The following CIB4 variants were observed in gnomAD, a reference collection of about 807,000 sequenced individuals.
The protein encoded by CIB4 is calcium and integrin-binding family member 4.
CIB4 carries 25 observed loss-of-function variants against 25.8 expected under a neutral mutation model. That is an observed-to-expected ratio of 0.97 (90% CI 0.71 to 1.35). The LOEUF (loss-of-function observed/expected upper bound fraction) is 1.35, where lower values mean the gene tolerates loss of function less well. Among genes scored for constraint, CIB4 ranks in the 40% most tolerant of loss-of-function variants. The probability of loss-of-function intolerance (pLI) is 0.00; values close to 1 mark genes in which losing one functional copy is unlikely to be tolerated. For synonymous variants in CIB4, 75 were observed against 81.4 expected, an observed-to-expected ratio of 0.92 and a Z score of 0.42; for missense variants, 235 against 228.2, an observed-to-expected ratio of 1.03 and a Z score of -0.19.
chr2:26,641,238 A>C, intron 1 of CIB4, 23 bp downstream of exon 1: 1 of 1,599,850 alleles, frequency 6.3e-7, no homozygotes, highest in Non-Finnish European at 8.6e-7. Context: ...CTCTGCCCAG[A>C]GTCCCTAGCC....
intron 3 of CIB4, among the ~76,000 whole-genome samples, chr2:26,601,234 ATATATATATATATATAT>A: frequency 1.1e-4 from 1 of 8,824 alleles, no homozygotes; most frequent in African/African-American, 2.0e-4. Context: ...AAAAAAAAAT[ATATATATATATATATAT>A]ATATATATAT....
At chr2:26,584,358 G>A (rs1174918853) in intron 4 of CIB4, among the ~76,000 whole-genome samples, 1 of 152,080 alleles carries the variant, frequency 6.6e-6, no homozygotes, top group Non-Finnish European at 1.5e-5. Flanking sequence ...GTGGCTGGGA[G>A]CCAGGCAGTG....
chr2:26,614,797 G>A (rs1201142444), intron 3 of CIB4, among the ~76,000 whole-genome samples: 1 of 152,232 alleles, frequency 6.6e-6, no homozygotes, highest in Admixed American at 6.5e-5. Flanking sequence ...GGCTCGCCAT[G>A]CCCAAGTTCA....
rs1668531530 is a variant in CIB4, at chr2:26,589,108, C to CCTCT, written c.329-5211_329-5210insAGAG. ...CTTCTTCTTCTTCTTCTTCTTCTTC[C>CCTCT]TCTTCTTCTTCTTCTTCTTCTTCTT... On this transcript the variant is annotated intron_variant, in intron 4 of 6. Transcript: ENST00000288861. Among the ~76,000 whole-genome samples, 7 of 67,776 alleles carry CCTCT rather than the reference C, an allele frequency of 1.0e-4. 1 individual carries two copies. The highest frequency in any genetic ancestry group is 4.8e-4 in the African/African-American group (7 of 14,716). 44.5% of individuals were successfully genotyped at this position (67,776 alleles called of 152,430 possible).
At position 26,614,467 on chromosome 2, in the gene CIB4, G is replaced by A. The variant is rs572930397; in HGVS notation, c.186+14943C>T. Among the ~76,000 whole-genome samples the A allele has an allele frequency of 2.6e-5, 4 of 152,300 alleles. No homozygotes were observed. The East Asian group carries it at 7.7e-4, about 29-fold the overall frequency. ...CATTAGCGTGTCATTTGCACTAGAGGGAGGAGGCTCCTCCTCTGGAAAGGA... is the reference window on the plus strand; with the variant it reads ...CATTAGCGTGTCATTTGCACTAGAGAGAGGAGGCTCCTCCTCTGGAAAGGA... On this transcript the variant is annotated intron_variant, in intron 3 of 6. Transcript: ENST00000288861.
intron 3 of CIB4, among the ~76,000 whole-genome samples, 174 bp downstream of exon 3, chr2:26,629,236 G>A (rs759596190): frequency 2.0e-5 from 3 of 152,164 alleles, no homozygotes; most frequent in South Asian, 4.1e-4. Context: ...TGCAGGAAGT[G>A]TTTGGGAGCC....
intron 2 of CIB4, among the ~76,000 whole-genome samples, chr2:26,632,130 G>A (rs114976780): frequency 0.013 from 1,963 of 152,298 alleles, 51 homozygotes; most frequent in African/African-American, 0.044. Context: ...CTCTGAGCAC[G>A]CAGGCCCAGG....
chr2:26,590,517 G>A (rs562860613), intron 4 of CIB4, among the ~76,000 whole-genome samples: 1 of 152,104 alleles, frequency 6.6e-6, no homozygotes, highest in East Asian at 1.9e-4. Context: ...GTCTTTGGAC[G>A]GAATCATCAC....
At chr2:26,638,436 G>A (rs913946453) in intron 2 of CIB4, among the ~76,000 whole-genome samples, 2 of 152,212 alleles carry the variant, frequency 1.3e-5, no homozygotes, top group African/African-American at 2.4e-5. Context: ...ATGGAGGATC[G>A]ATGTTCGAGA....
At chr2:26,632,207 AGG>A (rs1307960095) in intron 2 of CIB4, among the ~76,000 whole-genome samples, 1 of 152,186 alleles carries the variant, frequency 6.6e-6, no homozygotes, top group Non-Finnish European at 1.5e-5. Flanking sequence ...GATCCAGGCT[AGG>A]GCCTGACAGA....
chr2:26,582,314 G>A (rs534999561), intron 6 of CIB4, among the ~76,000 whole-genome samples: 3 of 152,340 alleles, frequency 2.0e-5, no homozygotes, highest in South Asian at 2.1e-4. Context: ...AGACTTCAAC[G>A]TGGCCAGGGA....
chr2:26,594,388 A>G (rs980149474), intron 4 of CIB4, among the ~76,000 whole-genome samples: 1 of 152,212 alleles, frequency 6.6e-6, no homozygotes, highest in Non-Finnish European at 1.5e-5. Flanking sequence ...AAGCTCTTCT[A>G]CTGTCTTCTA....
At chr2:26,622,471 A>T (rs1222978504) in intron 3 of CIB4, among the ~76,000 whole-genome samples, 1 of 152,142 alleles carries the variant, frequency 6.6e-6, no homozygotes, top group Non-Finnish European at 1.5e-5. Context: ...GAGGAATAGG[A>T]TGGGTGTTGG....
chr2:26,604,216 C>T (rs2148205146), intron 3 of CIB4, among the ~76,000 whole-genome samples: 1 of 151,716 alleles, frequency 6.6e-6, no homozygotes, highest in South Asian at 2.1e-4. Flanking sequence ...CCTGTCTCTA[C>T]TAAAAATAAA....
intron 6 of CIB4, among the ~76,000 whole-genome samples, 156 bp from the exon 7 acceptor site, chr2:26,581,549 C>T (rs992102309): frequency 6.6e-6 from 1 of 152,172 alleles, no homozygotes; most frequent in Non-Finnish European, 1.5e-5. Flanking sequence ...CAAAGCAACC[C>T]CAAACCTTCT....
chr2:26,588,988 TTCTTCTTCTTCTTCTTC>T lies in CIB4; in HGVS notation c.329-5107_329-5091del, dbSNP rs1190022107. On this transcript the variant is annotated intron_variant, in intron 4 of 6. Coordinates refer to ENST00000288861, the MANE Select transcript of CIB4 (RefSeq NM_001029881.3). ...TGCTGCCGCTTCTTCTTTCTTCTTC[TTCTTCTTCTTCTTCTTC>T]TTCTTCTTCTTCTTCTTCTTCTTCT... Among the ~76,000 whole-genome samples, 220 of 40,116 alleles carry T rather than the reference TTCTTCTTCTTCTTCTTC, an allele frequency of 5.5e-3. 19 individuals carry two copies. The highest frequency in any genetic ancestry group is 0.017 in the African/African-American group (168 of 9,722). The allele number at this position is 40,116 out of a possible 152,430, so 26.3% of individuals were successfully genotyped here.
At chr2:26,583,974 G>A (rs939396795) in intron 4 of CIB4, 76 bp from the exon 5 acceptor site, 1 of 924,700 alleles carries the variant, frequency 1.1e-6, no homozygotes, top group South Asian at 1.4e-5. Context: ...AGTCCTGGGG[G>A]ACACAGCACC....
intron 3 of CIB4, among the ~76,000 whole-genome samples, chr2:26,601,645 T>C (rs1668791086): frequency 6.6e-6 from 1 of 151,544 alleles, no homozygotes; most frequent in South Asian, 2.1e-4. Flanking sequence ...GCACAAACCA[T>C]AGGAGAAGAC....
At chr2:26,599,857 G>A (rs192331784) in intron 3 of CIB4, among the ~76,000 whole-genome samples, 74 of 151,802 alleles carry the variant, frequency 4.9e-4, no homozygotes, top group Admixed American at 2.0e-4. Context: ...GGTGGATCAC[G>A]AGGTCAGGAG....
Sources: allele counts gnomAD v4.1 joint callset (sites outside exome capture counted in the v4.1 genomes callset), GRCh38; gene constraint gnomAD v4.1.1; transcripts MANE v1.5; gene names NCBI Gene and HGNC (gene_info 2026-07-23, HGNC 2026-07-21).